Variants in ARHGDIB observed in about 807,000 individuals in gnomAD.
ARHGDIB encodes Rho GDP dissociation inhibitor beta, also known as rho GDP-dissociation inhibitor 2.
ARHGDIB carries 20 observed loss-of-function variants against 22.6 expected under a neutral mutation model. That is an observed-to-expected ratio of 0.88 (90% CI 0.62 to 1.28). The LOEUF is 1.28. Ranked by LOEUF, ARHGDIB falls within the 50% of genes most tolerant of loss-of-function variation. The pLI is 0.00. For missense variants in ARHGDIB, 254 were observed against 245.4 expected, an observed-to-expected ratio of 1.04 and a Z score of -0.23; for synonymous variants, 114 against 96.1, an observed-to-expected ratio of 1.19 and a Z score of -1.09.
intron 1 of ARHGDIB, among the ~76,000 whole-genome samples, chr12:14,952,390 C>T (rs1419543352): frequency 6.6e-6 from 1 of 151,278 alleles, no homozygotes; most frequent in East Asian, 1.9e-4. Flanking sequence ...ACTCTGAAAA[C>T]AGCATTGCAA....
chr12:14,942,454 G>C lies in ARHGDIB; in HGVS notation c.*68C>G. On this transcript the variant is annotated 3_prime_UTR_variant, in exon 6 of 6. Coordinates refer to ENST00000228945, the MANE Select transcript of ARHGDIB (RefSeq NM_001175.7). Reference sequence around the variant, plus strand: ...GACCCAGCTGTGGACAGGGAGGAGGGACAGGGTGCTGAACACGCCTGAGAG... The same window carrying C: ...GACCCAGCTGTGGACAGGGAGGAGGCACAGGGTGCTGAACACGCCTGAGAG... 6.5e-7 allele frequency: 1 copy of C among 1,545,338 alleles called. No individual in the cohort carries two copies. The highest frequency in any genetic ancestry group is 8.9e-7 in the Non-Finnish European group (1 of 1,120,690).
chr12:14,951,018 A>G (rs1864164044), intron 1 of ARHGDIB: 1 of 200,744 alleles, frequency 5.0e-6, no homozygotes, highest in Admixed American at 5.5e-5. Flanking sequence ...CGAGTGAAGC[A>G]ACATGGCACA....
Position 14,947,865 on chromosome 12 carries a change from A to T in ARHGDIB, c.342+8T>A. ...ACTTTACAAAAACACACAAGGCAGGATACTTACTTTGAAGTGAATTTTGAC... is the reference window on the plus strand; with the variant it reads ...ACTTTACAAAAACACACAAGGCAGGTTACTTACTTTGAAGTGAATTTTGAC... On this transcript the variant is annotated splice_region_variant and intron_variant, in intron 4 of 5. Transcript: ENST00000228945. 6.3e-7 allele frequency: 1 copy of T among 1,595,170 alleles called. No homozygotes were observed. The highest frequency in any genetic ancestry group is 8.6e-7 in the Non-Finnish European group (1 of 1,162,812).
At chr12:14,943,327 C>T in intron 5 of ARHGDIB, among the ~76,000 whole-genome samples, 1 of 151,026 alleles carries the variant, frequency 6.6e-6, no homozygotes, top group East Asian at 1.9e-4. Context: ...AAAGTTGATT[C>T]TGAGGTAAAG....
intron 1 of ARHGDIB, among the ~76,000 whole-genome samples, chr12:14,959,311 G>C (rs942355707): frequency 1.3e-5 from 2 of 152,120 alleles, no homozygotes; most frequent in Non-Finnish European, 2.9e-5. Context: ...CCAGCTACTC[G>C]GGAGGTTGAG....
At chr12:14,957,932 G>A (rs1864335382) in intron 1 of ARHGDIB, among the ~76,000 whole-genome samples, 1 of 152,122 alleles carries the variant, frequency 6.6e-6, no homozygotes, top group Admixed American at 6.5e-5. Context: ...GGAAATACCA[G>A]AAGTAGGGGA....
chr12:14,955,294 C>T (rs1864275532), intron 1 of ARHGDIB, among the ~76,000 whole-genome samples: 1 of 152,184 alleles, frequency 6.6e-6, no homozygotes, highest in Non-Finnish European at 1.5e-5. Context: ...ATTTCAATTA[C>T]ACAAGCATTT....
chr12:14,948,097 C>A, intron 3 of ARHGDIB, 148 bp from the exon 4 acceptor site: 39 of 501,648 alleles, frequency 7.8e-5, no homozygotes, highest in East Asian at 1.3e-4. Flanking sequence ...GAGTTTAGTC[C>A]TTGCACACAC....
chr12:14,959,589 C>T (rs1158138293), intron 1 of ARHGDIB, among the ~76,000 whole-genome samples: 1 of 152,144 alleles, frequency 6.6e-6, no homozygotes, highest in East Asian at 1.9e-4. Context: ...CTTCTCTTTT[C>T]CTGCTAGCTG....
intron 5 of ARHGDIB, among the ~76,000 whole-genome samples, chr12:14,943,397 T>G (rs1313310620): frequency 3.0e-5 from 2 of 67,546 alleles, no homozygotes; most frequent in African/African-American, 8.6e-5. Flanking sequence ...TTTTTGTTGT[T>G]GTTGTTGTTT....
intron 1 of ARHGDIB, among the ~76,000 whole-genome samples, chr12:14,952,684 A>T (rs1864206439): frequency 6.6e-6 from 1 of 152,202 alleles, no homozygotes; most frequent in South Asian, 2.1e-4. Flanking sequence ...GACTAATCAG[A>T]TGAGACAGGG....
intron 5 of ARHGDIB, among the ~76,000 whole-genome samples, chr12:14,944,362 C>T (rs1423321009): frequency 6.6e-6 from 1 of 150,514 alleles, no homozygotes; most frequent in Non-Finnish European, 1.5e-5. Flanking sequence ...CCCACCTACT[C>T]CCACCCCAGA....
At chr12:14,947,834 A>T (rs1243471022) in intron 4 of ARHGDIB, 39 bp downstream of exon 4, 3 of 1,493,186 alleles carry the variant, frequency 2.0e-6, no homozygotes, top group Non-Finnish European at 2.8e-6. Flanking sequence ...TAAAGAAAAG[A>T]TTTAAACTTT....
At chr12:14,961,135 A>G (rs1392711548) in intron 1 of ARHGDIB, 1 of 152,076 alleles carries the variant, frequency 6.6e-6, no homozygotes, top group Non-Finnish European at 1.5e-5. Flanking sequence ...AGCACAACCC[A>G]CCATCCACCA....
chr12:14,954,584 C>G (rs930377479), intron 1 of ARHGDIB, among the ~76,000 whole-genome samples: 3 of 152,226 alleles, frequency 2.0e-5, no homozygotes, highest in Non-Finnish European at 2.9e-5. Flanking sequence ...CCCCTGTTAA[C>G]TGAATGTTGC....
chr12:14,949,659 T>C, intron 3 of ARHGDIB, 143 bp downstream of exon 3: 1 of 728,244 alleles, frequency 1.4e-6, no homozygotes, highest in Non-Finnish European at 2.4e-6. Flanking sequence ...CTGTGCACTC[T>C]AAGAGCAATG....
At chr12:14,954,380 G>A (rs1036058008) in intron 1 of ARHGDIB, among the ~76,000 whole-genome samples, 2 of 152,200 alleles carry the variant, frequency 1.3e-5, no homozygotes, top group Admixed American at 6.5e-5. Flanking sequence ...AAGATATCAG[G>A]TGACACCTGT....
At position 14,943,295 on chromosome 12, in the gene ARHGDIB, A is replaced by G. The variant is rs540633244; in HGVS notation, c.407-574T>C. Among the ~76,000 whole-genome samples, 5 of 152,158 alleles carry G rather than the reference A, an allele frequency of 3.3e-5. No homozygotes were observed. The South Asian group carries it at 1.0e-3, about 32-fold the overall frequency. On this transcript the variant is annotated intron_variant, in intron 5 of 5. Transcript: ENST00000228945. ...CAGTAACCTTCTGTGGGTCCCAGGGATCAGTGTTTTTAAAAAACTACAAAG... is the reference window on the plus strand; with the variant it reads ...CAGTAACCTTCTGTGGGTCCCAGGGGTCAGTGTTTTTAAAAAACTACAAAG...
At chr12:14,945,935 G>A (rs992206387) in intron 4 of ARHGDIB, among the ~76,000 whole-genome samples, 7 of 152,128 alleles carry the variant, frequency 4.6e-5, no homozygotes, top group African/African-American at 1.7e-4. Flanking sequence ...ATAGGAATAG[G>A]GAAAATAAAT....
Sources: gnomAD v4.1 joint callset for allele counts (sites outside exome capture counted in the v4.1 genomes callset) on GRCh38, gnomAD v4.1.1 for gene constraint, MANE v1.5 for transcripts, NCBI Gene and HGNC (gene_info 2026-07-23, HGNC 2026-07-21) for gene names.